OXGR1: variants seen among roughly 807,000 people sequenced by gnomAD.
The protein encoded by OXGR1 is oxoglutarate receptor 1.
In OXGR1, 10 loss-of-function variants were observed where a neutral mutation model predicts 10.0. The observed-to-expected ratio is 1.00, with a 90% CI of 0.62 to 1.70. OXGR1 has a LOEUF of 1.70. Among genes scored for constraint, OXGR1 ranks in the 40% most tolerant of loss-of-function variants. The pLI is 0.00. For synonymous variants in OXGR1, 191 were observed against 155.9 expected, an observed-to-expected ratio of 1.22 and a Z score of -1.68; for missense variants, 398 against 407.6, an observed-to-expected ratio of 0.98 and a Z score of 0.20.
In OXGR1 at chr13:96,986,069, A is replaced by T. The variant is rs1261287331; in HGVS notation, c.*677T>A. The T allele has an allele frequency of 6.6e-6, 1 of 152,222 alleles. No homozygotes were observed. The highest frequency in any genetic ancestry group is 1.5e-5 in the Non-Finnish European group (1 of 68,042). The allele number at this position is 152,222 out of a possible 1,614,324, so 9.4% of individuals were successfully genotyped here. On this transcript the variant is annotated 3_prime_UTR_variant, in exon 4 of 4. Coordinates refer to ENST00000541038, the MANE Select transcript of OXGR1 (RefSeq NM_001346194.2). The stretch of plus-strand genomic sequence containing the variant: ...GAATACAATTTGATAATTTTCATAC[A>T]TTCAATAAAAACTTTTTAACAACAA...
chr13:96,986,744 T>A lies in OXGR1; in HGVS notation c.*2A>T. On this transcript the variant is annotated 3_prime_UTR_variant, in exon 4 of 4. Transcript: ENST00000541038. ...TGTTTTTGGTTAAGTAAATGAAATA[T>A]TTCAAGGGTTGTTTGAGTAACTAAT... 6.3e-7 allele frequency: 1 copy of A among 1,596,416 alleles called. No individual in the cohort carries two copies. Among genetic ancestry groups the A allele is most frequent in the South Asian group, 1.1e-5 (1 of 87,526 alleles).
intron 3 of OXGR1, among the ~76,000 whole-genome samples, chr13:96,988,757 C>T (rs7337299): frequency 0.058 from 8,850 of 152,218 alleles, 710 homozygotes; most frequent in African/African-American, 0.18. Flanking sequence ...GCAATTTTAA[C>T]TTCCTTCTTC....
In OXGR1 at chr13:96,985,748, A is replaced by C. The variant is rs768662262; in HGVS notation, c.*998T>G. 1.1e-4 allele frequency: 16 copies of C among 152,216 alleles called. No homozygotes were observed. The highest frequency in any genetic ancestry group is 2.2e-4 in the Non-Finnish European group (15 of 68,040). The allele number at this position is 152,216 out of a possible 1,614,324, so 9.4% of individuals were successfully genotyped here. ...ATAAATAAGTTTATTAACTGTACCA[A>C]CATGTTTATGAGGGTTTTAAATATC... is the stretch of plus-strand genomic sequence containing the variant. On this transcript the variant is annotated 3_prime_UTR_variant, in exon 4 of 4. Coordinates refer to ENST00000541038, the MANE Select transcript of OXGR1 (RefSeq NM_001346194.2).
rs947439639 is a variant in OXGR1, at chr13:96,986,616, G to T, written c.*130C>A. The T allele has an allele frequency of 1.1e-6, 1 of 949,758 alleles. No individual in the cohort carries two copies. The highest frequency in any genetic ancestry group is 1.5e-6 in the Non-Finnish European group (1 of 645,926). The allele number at this position is 949,758 out of a possible 1,614,324, so 58.8% of individuals were successfully genotyped here. ...GCAAAGAACTAGAAGCTCTGCCCTGGCTTTGGCACATGATTACTTGAATAC... is the reference window on the plus strand; with the variant it reads ...GCAAAGAACTAGAAGCTCTGCCCTGTCTTTGGCACATGATTACTTGAATAC... On this transcript the variant is annotated 3_prime_UTR_variant, in exon 4 of 4. Transcript: ENST00000541038.
rs2138886405 is a variant in OXGR1, at chr13:96,986,555, T to C, written c.*191A>G. 1 of 596,868 alleles carries C rather than the reference T, an allele frequency of 1.7e-6. No individual in the cohort carries two copies. Among genetic ancestry groups the C allele is most frequent in the African/African-American group, 1.9e-5 (1 of 53,902 alleles). The allele number at this position is 596,868 out of a possible 1,614,324, so 37.0% of individuals were successfully genotyped here. A position where few individuals can be genotyped will look rare whatever the true frequency, so the allele number is the denominator to read the frequency against. On this transcript the variant is annotated 3_prime_UTR_variant, in exon 4 of 4. Coordinates refer to ENST00000541038, the MANE Select transcript of OXGR1 (RefSeq NM_001346194.2). ...TGCTGATATACATGCATCCCATTCT[T>C]ATATCTCCCCAGTGGAGGAGCTCAA...
intron 2 of OXGR1, among the ~76,000 whole-genome samples, chr13:96,992,138 G>A (rs1882086767): frequency 6.6e-6 from 1 of 150,872 alleles, no homozygotes; most frequent in African/African-American, 2.5e-5. Context: ...AAAAAAAAAA[G>A]AAAGGTAGAA....
chr13:96,987,834 C>A lies in OXGR1; in HGVS notation c.-74-1G>T. On this transcript the variant is annotated splice_acceptor_variant, in intron 3 of 3. Transcript: ENST00000541038. LOFTEE classifies it low-confidence loss of function (5UTR_SPLICE). ...TATGAATCAAATGAGCAGTAACTCG[C>A]TGATAAAGGAAAACAGAAAACATTA... 1 of 1,491,436 alleles carries A rather than the reference C, an allele frequency of 6.7e-7. No homozygotes were observed. Among genetic ancestry groups the A allele is most frequent in the Non-Finnish European group, 8.9e-7 (1 of 1,120,484 alleles). 92.4% of individuals were successfully genotyped at this position (1,491,436 alleles called of 1,614,324 possible). A position where few individuals can be genotyped will look rare whatever the true frequency, so the allele number is the denominator to read the frequency against.
In OXGR1 at chr13:96,986,759, G is replaced by T; in HGVS notation, c.1001C>A (p.Ser334Ter). Residue 334 changes from serine (S) to a stop codon, truncating the protein, a stop_gained, in exon 4 of 4, where the codon TCA (serine) becomes TAA (stop). Coordinates refer to ENST00000541038, the MANE Select transcript of OXGR1 (RefSeq NM_001346194.2). LOFTEE classifies it high-confidence loss of function. ...NLEQAKKISY[S>*]NNP is the part of the protein sequence containing the mutation. ...AAATGAAATATTTCAAGGGTTGTTTGAGTAACTAATTTTCTTTGCTTGCTC... is the reference window on the plus strand; with the variant it reads ...AAATGAAATATTTCAAGGGTTGTTTTAGTAACTAATTTTCTTTGCTTGCTC... 6.2e-7 allele frequency: 1 copy of T among 1,605,796 alleles called. No homozygotes were observed. Among genetic ancestry groups the T allele is most frequent in the South Asian group, 1.1e-5 (1 of 89,170 alleles).
Position 96,986,780 on chromosome 13 carries a change from T to C in OXGR1, c.980A>G (p.Gln327Arg). 1 of 1,608,250 alleles carries C rather than the reference T, an allele frequency of 6.2e-7. No homozygotes were observed. ...GTTTGAGTAACTAATTTTCTTTGCT[T>C]GCTCAAGGTTCCCGCTTACTTTGCA... is the stretch of plus-strand genomic sequence containing the variant. ...VRCKVSGNLE[Q>R]AKKISYSNNP The change falls in exon 4 of 4, where the codon CAA becomes CGA. Residue 327 changes from glutamine to arginine, a missense_variant. Coordinates refer to ENST00000541038, the MANE Select transcript of OXGR1 (RefSeq NM_001346194.2).
At chr13:96,990,516 CA>C (rs1159634826) in intron 2 of OXGR1, among the ~76,000 whole-genome samples, 1 of 152,140 alleles carries the variant, frequency 6.6e-6, no homozygotes, top group Non-Finnish European at 1.5e-5. Context: ...CCTCATACCC[CA>C]GGGGCTGGCA....
rs1429538098 is a variant in OXGR1, at chr13:96,986,094, A to G, written c.*652T>C. ...ATTCAATAAAAACTTTTTAACAACA[A>G]TAAAGACATAATACTCCAAATATAT... On this transcript the variant is annotated 3_prime_UTR_variant, in exon 4 of 4. Transcript: ENST00000541038. 1 of 152,254 alleles carries G rather than the reference A, an allele frequency of 6.6e-6. No individual in the cohort carries two copies. Among genetic ancestry groups the G allele is most frequent in the Non-Finnish European group, 1.5e-5 (1 of 68,046 alleles). The allele number at this position is 152,254 out of a possible 1,614,324, so 9.4% of individuals were successfully genotyped here. A position where few individuals can be genotyped will look rare whatever the true frequency, so the allele number is the denominator to read the frequency against.
chr13:96,987,704 G>C lies in OXGR1; in HGVS notation c.56C>G (p.Ala19Gly). The change falls in exon 4 of 4, where the codon GCT (alanine) becomes GGT (glycine). Residue 19 changes from alanine (A) to glycine (G), a missense_variant. Physicochemically the swap from Ala to Gly is moderately conservative, Grantham distance 60 (BLOSUM62 0). Transcript: ENST00000541038. ...TTCATCAGTGCAATTTCCAAAAGCA[G>C]CTGCATAATCGGGGAAATCAGAAGC... ...ANASDFPDYAAAFGNCTDENI... is the reference protein window; with the variant it reads ...ANASDFPDYAGAFGNCTDENI... 6.2e-7 allele frequency: 1 copy of C among 1,612,492 alleles called. No individual in the cohort carries two copies. The highest frequency in any genetic ancestry group is 8.5e-7 in the Non-Finnish European group (1 of 1,179,032).
intron 1 of OXGR1, among the ~76,000 whole-genome samples, chr13:96,993,206 T>A (rs1367454164): frequency 6.6e-6 from 1 of 152,078 alleles, no homozygotes; most frequent in Non-Finnish European, 1.5e-5. Flanking sequence ...GTTTTTTGTT[T>A]GTTTGTGTTA....
At position 96,986,868 on chromosome 13, in the gene OXGR1, T is replaced by C. The variant is rs148832052; in HGVS notation, c.892A>G (p.Asn298Asp). The C allele has an allele frequency of 1.2e-6, 2 of 1,614,194 alleles. No individual in the cohort carries two copies. Among genetic ancestry groups the C allele is most frequent in the African/African-American group, 2.7e-5 (2 of 75,058 alleles). The change falls in exon 4 of 4, where the codon AAC (asparagine) becomes GAC (aspartate). Residue 298 changes from asparagine to aspartate, a missense_variant. Asn to Asp is a conservative substitution (Grantham distance 23, BLOSUM62 1). Coordinates refer to ENST00000541038, the MANE Select transcript of OXGR1 (RefSeq NM_001346194.2). ...CTGACCACCACATATAGTAACAGGT[T>C]ACCAAAGGTGTTCAGAGCAGCTAAT... ...RPLAALNTFG[N>D]LLLYVVVSDN...
chr13:96,991,898 C>A (rs1882075469), intron 2 of OXGR1, among the ~76,000 whole-genome samples: 1 of 151,980 alleles, frequency 6.6e-6, no homozygotes, highest in African/African-American at 2.4e-5. Flanking sequence ...ACTATTCAGC[C>A]ATAAAAAAGA....
chr13:96,993,493 A>G (rs1265385482), intron 1 of OXGR1, among the ~76,000 whole-genome samples: 1 of 152,138 alleles, frequency 6.6e-6, no homozygotes, highest in African/African-American at 2.4e-5. Flanking sequence ...AAGTGCTGGG[A>G]TTACAGACGT....
Position 96,986,746 on chromosome 13 carries a change from T to A in OXGR1, c.1014A>T (p.Ter338CysextTer6), listed in dbSNP as rs145793060. The A allele has an allele frequency of 3.5e-4, 558 of 1,597,746 alleles. 1 individual carries two copies. The highest frequency in any genetic ancestry group is 4.3e-4 in the Non-Finnish European group (509 of 1,173,382). The change falls in exon 4 of 4, where the codon TGA becomes TGT. Residue 338 changes from the stop codon to cysteine, a stop_lost. Transcript: ENST00000541038. The part of the protein sequence containing the change: ...AKKISYSNNP[*>C] ...TTTTTGGTTAAGTAAATGAAATATT[T>A]CAAGGGTTGTTTGAGTAACTAATTT...
intron 1 of OXGR1, among the ~76,000 whole-genome samples, chr13:96,993,324 A>T (rs538927581): frequency 6.6e-6 from 1 of 152,204 alleles, no homozygotes; most frequent in Non-Finnish European, 1.5e-5. Context: ...GGTTCAAGGG[A>T]TCCTCCTGCC....
chr13:96,990,946 CA>C lies in OXGR1; in HGVS notation c.-126-1138del, dbSNP rs765856782. 1.0e-3 allele frequency among the ~76,000 whole-genome samples: 100 copies of C among 97,158 alleles called. 1 individual carries two copies. Among genetic ancestry groups the C allele is most frequent in the East Asian group, 1.7e-3 (6 of 3,580 alleles). 63.7% of individuals were successfully genotyped at this position (97,158 alleles called of 152,430 possible). A position where few individuals can be genotyped will look rare whatever the true frequency, so the allele number is the denominator to read the frequency against. Reference sequence around the variant, plus strand: ...CCTGAGTGACACAGCAAGACTCTTTCAAAAAAAAAAAAAAAAGCAAGCTTAG... The same window carrying C: ...CCTGAGTGACACAGCAAGACTCTTTCAAAAAAAAAAAAAAAGCAAGCTTAG... On this transcript the variant is annotated intron_variant, in intron 2 of 3. Transcript: ENST00000541038.
Sources: gnomAD v4.1 joint callset for allele counts (sites outside exome capture counted in the v4.1 genomes callset) on GRCh38, gnomAD v4.1.1 for gene constraint, MANE v1.5 for transcripts, NCBI Gene and HGNC (gene_info 2026-07-23, HGNC 2026-07-21) for gene names.